The following STK35 variants were observed in gnomAD, a reference collection of about 807,000 sequenced individuals.
The protein encoded by STK35 is serine/threonine kinase 35.
A neutral mutation model predicts 37.3 loss-of-function variants in STK35; 17 were observed. The observed-to-expected ratio is 0.46, with a 90% CI of 0.31 to 0.68. STK35 has a LOEUF of 0.68. Ranked by LOEUF, STK35 falls within the 30% of genes least tolerant of loss-of-function variation. STK35 has a pLI of 0.05. For missense variants in STK35, 595 were observed against 746.7 expected (o/e 0.80, Z 2.37); for synonymous variants, 385 against 319.1 (o/e 1.21, Z -2.20).
chr20:2,115,992 C>T (rs887858265), intron 2 of STK35, among the ~76,000 whole-genome samples: 2 of 152,110 alleles, frequency 1.3e-5, no homozygotes, highest in Non-Finnish European at 2.9e-5. Flanking sequence ...AGTAGTTGAG[C>T]CTGATGGCGA....
intron 2 of STK35, among the ~76,000 whole-genome samples, chr20:2,107,853 T>C (rs910247138): frequency 6.6e-6 from 1 of 152,170 alleles, no homozygotes; most frequent in African/African-American, 2.4e-5. Context: ...GAGAGCTGGC[T>C]GGCATTGGGG....
rs1286122788 is a variant in STK35 at position 2,147,845 on chromosome 20, T to G, written c.*4099T>G. The G allele has an allele frequency of 6.6e-6, 1 of 152,218 alleles. No homozygotes were observed. The highest frequency in any genetic ancestry group is 1.5e-5 in the Non-Finnish European group (1 of 68,060). The allele number at this position is 152,218 out of a possible 1,614,324, so 9.4% of individuals were successfully genotyped here. A position where few individuals can be genotyped will look rare whatever the true frequency, so the allele number is the denominator to read the frequency against. On this transcript the variant is annotated 3_prime_UTR_variant, in exon 4 of 4. Transcript: ENST00000381482. Reference sequence around the variant, plus strand: ...TTTAGCTCTTCAGGCCACTGGGTTTTGGAGGCAGAAGTCCAGAGATACTGG... The same window carrying G: ...TTTAGCTCTTCAGGCCACTGGGTTTGGGAGGCAGAAGTCCAGAGATACTGG...
chr20:2,112,813 ACT>A (rs1460746628), intron 2 of STK35, among the ~76,000 whole-genome samples: 4 of 152,146 alleles, frequency 2.6e-5, no homozygotes, highest in African/African-American at 9.7e-5. Context: ...TAAATTTGTA[ACT>A]CTTATTAATC....
intron 3 of STK35, among the ~76,000 whole-genome samples, chr20:2,121,664 G>A (rs1015051514): frequency 2.0e-5 from 3 of 152,230 alleles, no homozygotes; most frequent in Admixed American, 6.5e-5. Flanking sequence ...TAGACAAGAG[G>A]AGGTCAGAGG....
intron 2 of STK35, among the ~76,000 whole-genome samples, chr20:2,111,147 C>G (rs1330907321): frequency 1.3e-5 from 2 of 152,210 alleles, no homozygotes; most frequent in African/African-American, 4.8e-5. Context: ...TGCCAGCCCT[C>G]ACTTCACCAG....
At chr20:2,125,512 G>A (rs541065492) in intron 3 of STK35, among the ~76,000 whole-genome samples, 1 of 152,332 alleles carries the variant, frequency 6.6e-6, no homozygotes, top group East Asian at 1.9e-4. Context: ...GCATTCTACA[G>A]CCTCTTAAAG....
chr20:2,104,931 T>C (rs943866052), intron 2 of STK35, among the ~76,000 whole-genome samples: 3 of 151,826 alleles, frequency 2.0e-5, no homozygotes, highest in Non-Finnish European at 4.4e-5. Flanking sequence ...GGTGGGAGGA[T>C]GGCTTGAGCC....
intron 3 of STK35, among the ~76,000 whole-genome samples, chr20:2,124,460 C>T (rs1467674760): frequency 1.3e-5 from 2 of 152,086 alleles, no homozygotes; most frequent in Admixed American, 6.6e-5. Flanking sequence ...AAAAGGGAAA[C>T]GCTAAGCTGT....
chr20:2,116,482 A>T (rs1210744182), intron 2 of STK35, among the ~76,000 whole-genome samples, 184 bp from the exon 3 acceptor site: 1 of 152,186 alleles, frequency 6.6e-6, no homozygotes, highest in African/African-American at 2.4e-5. Flanking sequence ...AAACCCAGGT[A>T]CCTGACACCA....
At position 2,146,802 on chromosome 20, in the gene STK35, A is replaced by G. The variant is rs1333273073; in HGVS notation, c.*3056A>G. 6.6e-6 allele frequency: 1 copy of G among 152,554 alleles called. No individual in the cohort carries two copies. Among genetic ancestry groups the G allele is most frequent in the African/African-American group, 2.4e-5 (1 of 41,456 alleles). The allele number at this position is 152,554 out of a possible 1,614,324, so 9.5% of individuals were successfully genotyped here. On this transcript the variant is annotated 3_prime_UTR_variant, in exon 4 of 4. Transcript: ENST00000381482. ...CTCACTCGCAGCTATAGCCCAGGAC[A>G]GAAAAACTGTGCTTTGGACAGGTGC...
intron 3 of STK35, among the ~76,000 whole-genome samples, chr20:2,125,680 C>T (rs6106261): frequency 0.37 from 57,036 of 152,160 alleles, 12,552 homozygotes; most frequent in East Asian, 0.93. Context: ...TCCCTTCAGG[C>T]GAGGTCAGCC....
chr20:2,132,290 A>AGT (rs1441917484), intron 3 of STK35, among the ~76,000 whole-genome samples: 2 of 152,266 alleles, frequency 1.3e-5, no homozygotes, highest in Non-Finnish European at 2.9e-5. Context: ...GTGATGGCAA[A>AGT]GTAGAGGACA....
chr20:2,105,389 A>C (rs1985495179), intron 2 of STK35, among the ~76,000 whole-genome samples: 1 of 152,116 alleles, frequency 6.6e-6, no homozygotes, highest in African/African-American at 2.4e-5. Flanking sequence ...CGAACCTTCA[A>C]CCTCAGCTTG....
intron 3 of STK35, among the ~76,000 whole-genome samples, chr20:2,118,871 A>G (rs140302322): frequency 2.0e-5 from 3 of 152,370 alleles, no homozygotes; most frequent in Admixed American, 6.5e-5. Flanking sequence ...TAGTCCAGGA[A>G]TGATAGGCCA....
At chr20:2,111,921 G>A (rs998427415) in intron 2 of STK35, among the ~76,000 whole-genome samples, 1 of 152,122 alleles carries the variant, frequency 6.6e-6, no homozygotes, top group African/African-American at 2.4e-5. Flanking sequence ...GTTATTCTCA[G>A]CCTGCCTTCC....
rs573513124 is a variant in STK35, at chr20:2,121,477, A to C, written c.*37+4062A>C. Among the ~76,000 whole-genome samples the C allele has an allele frequency of 7.7e-4, 117 of 152,330 alleles. 1 individual carries two copies. Among genetic ancestry groups the C allele is most frequent in the African/African-American group, 2.8e-3 (115 of 41,566 alleles). On this transcript the variant is annotated intron_variant, in intron 3 of 3. Coordinates refer to ENST00000381482, the MANE Select transcript of STK35 (RefSeq NM_080836.4). ...TGCCATTAAATAAGATGGGGAAGAC[A>C]TTGGGGGAATAGGGTTGGCAGGACA...
In STK35 at chr20:2,101,833, C is replaced by T. The variant is rs1179982409; in HGVS notation, c.-49C>T. 4.0e-6 allele frequency: 5 copies of T among 1,261,508 alleles called. No individual in the cohort carries two copies. Among genetic ancestry groups the T allele is most frequent in the Admixed American group, 4.1e-5 (1 of 24,280 alleles). The allele number at this position is 1,261,508 out of a possible 1,614,324, so 78.1% of individuals were successfully genotyped here. Reference sequence around the variant, plus strand: ...GCTCGGCTGCGGCTGCTCCGTCGACCTTTGCAGGACCGGGCGGTGCAGGGC... The same window carrying T: ...GCTCGGCTGCGGCTGCTCCGTCGACTTTTGCAGGACCGGGCGGTGCAGGGC... On this transcript the variant is annotated 5_prime_UTR_variant, in exon 1 of 4. Coordinates refer to ENST00000381482, the MANE Select transcript of STK35 (RefSeq NM_080836.4).
At chr20:2,115,308 ACTC>A (rs1985694235) in intron 2 of STK35, among the ~76,000 whole-genome samples, 1 of 152,078 alleles carries the variant, frequency 6.6e-6, no homozygotes, top group African/African-American at 2.4e-5. Context: ...CACCTAGATC[ACTC>A]GTTTTCTTTG....
intron 3 of STK35, among the ~76,000 whole-genome samples, chr20:2,126,616 C>T (rs559643971): frequency 6.6e-6 from 1 of 152,182 alleles, no homozygotes; most frequent in Non-Finnish European, 1.5e-5. Flanking sequence ...CAGCCGCATT[C>T]GTGCTCCCAG....
Sources: gnomAD v4.1 joint callset for allele counts (sites outside exome capture counted in the v4.1 genomes callset) on GRCh38, gnomAD v4.1.1 for gene constraint, MANE v1.5 for transcripts, NCBI Gene and HGNC (gene_info 2026-07-23, HGNC 2026-07-21) for gene names.